Variants in TPH2 observed in about 807,000 individuals in gnomAD.
TPH2 encodes tryptophan 5-hydroxylase 2.
Under a neutral mutation model 59.1 loss-of-function variants are expected in TPH2, and 27 were observed. That is an observed-to-expected ratio of 0.46 (90% CI 0.34 to 0.63). The LOEUF (loss-of-function observed/expected upper bound fraction) is 0.63. Ranked by LOEUF, TPH2 falls within the 30% of genes least tolerant of loss-of-function variation. TPH2 has a pLI of 0.01. For synonymous variants in TPH2, 220 were observed against 210.5 expected, an observed-to-expected ratio of 1.05 and a Z score of -0.39; for missense variants, 523 against 588.3, an observed-to-expected ratio of 0.89 and a Z score of 1.15.
At chr12:71,951,408 TGG>T (rs1871342525) in intron 5 of TPH2, among the ~76,000 whole-genome samples, 2 of 152,210 alleles carry the variant, frequency 1.3e-5, no homozygotes, top group Non-Finnish European at 1.5e-5. Flanking sequence ...GCTCAATGCC[TGG>T]CAGAGCCTTT....
intron 5 of TPH2, among the ~76,000 whole-genome samples, chr12:71,951,768 G>A (rs1203821593): frequency 1.3e-5 from 2 of 152,078 alleles, no homozygotes; most frequent in African/African-American, 4.8e-5. Flanking sequence ...GCTCATGCCT[G>A]TAATCTCAGC....
chr12:72,002,308 G>A (rs1872843899), intron 8 of TPH2, among the ~76,000 whole-genome samples: 1 of 152,156 alleles, frequency 6.6e-6, no homozygotes, highest in Admixed American at 6.5e-5. Flanking sequence ...AATCACAGGT[G>A]TCACTGGATG....
intron 8 of TPH2, among the ~76,000 whole-genome samples, chr12:72,021,356 AGTGTGTGTGTGTGTGTGT>A (rs57532900): frequency 7.0e-6 from 1 of 143,322 alleles, no homozygotes; most frequent in Non-Finnish European, 1.5e-5. Context: ...GGGCCAATAA[AGTGTGTGTGTGTGTGTGT>A]GTGTGTGTGT....
intron 7 of TPH2, among the ~76,000 whole-genome samples, chr12:71,991,327 C>T (rs1008817587): frequency 2.6e-5 from 4 of 152,170 alleles, no homozygotes; most frequent in Non-Finnish European, 5.9e-5. Context: ...TGTACTGCAC[C>T]AAGCATCTAC....
intron 5 of TPH2, chr12:71,961,642 T>A: frequency 1.5e-6 from 2 of 1,352,142 alleles, no homozygotes; most frequent in Non-Finnish European, 2.0e-6. Context: ...TTGTGTATGT[T>A]GAGCGTGCAC....
At chr12:71,973,264 A>T (rs1268549395) in intron 6 of TPH2, among the ~76,000 whole-genome samples, 1 of 152,174 alleles carries the variant, frequency 6.6e-6, no homozygotes. Flanking sequence ...AGGATGAGAT[A>T]GGAGGTCAGC....
Position 71,938,953 on chromosome 12 carries a change from C to G in TPH2, c.-34C>G, listed in dbSNP as rs201345752. 2.1e-4 allele frequency: 337 copies of G among 1,569,920 alleles called. No individual in the cohort carries two copies. Among genetic ancestry groups the G allele is most frequent in the Admixed American group, 5.0e-4 (30 of 59,958 alleles). The stretch of plus-strand genomic sequence containing the variant: ...CGCTGCTACTGCCCCTCTAGTACCC[C>G]CTGCTGCAGAGAAAGAATATTACAC... On this transcript the variant is annotated 5_prime_UTR_variant, in exon 1 of 11. Transcript: ENST00000333850.
chr12:71,988,932 C>A (rs1349429899), intron 7 of TPH2, among the ~76,000 whole-genome samples: 1 of 151,940 alleles, frequency 6.6e-6, no homozygotes, highest in Non-Finnish European at 1.5e-5. Context: ...GCACCTGGTA[C>A]AAATAGGCAC....
chr12:71,972,844 C>G (rs1478183036), intron 6 of TPH2, 129 bp downstream of exon 6: 3 of 957,402 alleles, frequency 3.1e-6, no homozygotes, highest in Non-Finnish European at 4.7e-6. Context: ...TGGCTTTGAG[C>G]CAACAATTAC....
intron 4 of TPH2, among the ~76,000 whole-genome samples, chr12:71,948,442 G>A (rs574117672): frequency 1.7e-4 from 26 of 152,168 alleles, no homozygotes; most frequent in Non-Finnish European, 3.1e-4. Context: ...GACAATGGAA[G>A]TTCTTCATTT....
At chr12:72,028,451 G>A (rs1308917200) in intron 9 of TPH2, among the ~76,000 whole-genome samples, 4 of 152,164 alleles carry the variant, frequency 2.6e-5, no homozygotes, top group Admixed American at 2.0e-4. Context: ...TGGAATCAAA[G>A]ACATGGATGC....
chr12:72,006,399 G>T (rs1433781042), intron 8 of TPH2, among the ~76,000 whole-genome samples: 2 of 152,082 alleles, frequency 1.3e-5, no homozygotes, highest in African/African-American at 4.8e-5. Flanking sequence ...TGGGGAGGTG[G>T]TGGTCAGTGC....
intron 8 of TPH2, among the ~76,000 whole-genome samples, chr12:72,006,076 A>G (rs1035807461): frequency 2.0e-5 from 3 of 152,192 alleles, no homozygotes; most frequent in Admixed American, 1.3e-4. Context: ...ATATGACACT[A>G]TGCGGTTTTC....
chr12:71,948,865 TGGGTAAAC>T lies in TPH2; in HGVS notation c.541-722_541-715del, dbSNP rs1269896048. Among the ~76,000 whole-genome samples, 134 of 152,344 alleles carry T rather than the reference TGGGTAAAC, an allele frequency of 8.8e-4. 1 individual carries two copies. The highest frequency in any genetic ancestry group is 1.5e-3 in the Non-Finnish European group (101 of 68,016). On this transcript the variant is annotated intron_variant, in intron 4 of 10. Transcript: ENST00000333850. ...GTCTGTTGACAAGAGGAGAGATTTT[TGGGTAAAC>T]CAAGAAGTCCTCTCTGAAGGATTTC...
chr12:72,029,854 G>A (rs138903309), intron 9 of TPH2, among the ~76,000 whole-genome samples: 1 of 152,250 alleles, frequency 6.6e-6, no homozygotes, highest in Admixed American at 6.5e-5. Flanking sequence ...ACTTCTTCAT[G>A]GAGGGCTGTA....
At chr12:71,998,295 G>A (rs907421652) in intron 8 of TPH2, among the ~76,000 whole-genome samples, 4 of 151,996 alleles carry the variant, frequency 2.6e-5, no homozygotes, top group Admixed American at 1.3e-4. Flanking sequence ...CGTTTACTTC[G>A]AATAGTGTTT....
At chr12:72,014,030 A>T (rs986639482) in intron 8 of TPH2, among the ~76,000 whole-genome samples, 1 of 152,180 alleles carries the variant, frequency 6.6e-6, no homozygotes, top group African/African-American at 2.4e-5. Flanking sequence ...ATAGAAATCT[A>T]GGTGTAGCTG....
At chr12:72,017,218 T>C (rs1415095702) in intron 8 of TPH2, among the ~76,000 whole-genome samples, 1 of 152,192 alleles carries the variant, frequency 6.6e-6, no homozygotes, top group African/African-American at 2.4e-5. Flanking sequence ...AGGCCCGAAC[T>C]GCTGCGAGAA....
At chr12:71,939,909 G>T (rs1871009194) in intron 1 of TPH2, among the ~76,000 whole-genome samples, 2 of 152,154 alleles carry the variant, frequency 1.3e-5, no homozygotes, top group South Asian at 4.1e-4. Flanking sequence ...ATCCAATTCA[G>T]TCTGTATCAT....
Sources: gnomAD v4.1 joint callset for allele counts (sites outside exome capture counted in the v4.1 genomes callset) on GRCh38, gnomAD v4.1.1 for gene constraint, MANE v1.5 for transcripts, NCBI Gene and HGNC (gene_info 2026-07-23, HGNC 2026-07-21) for gene names.